The following ACSL3 variants were observed in gnomAD, a reference collection of about 807,000 sequenced individuals.
The protein encoded by ACSL3 is fatty acid CoA ligase Acsl3.
Under a neutral mutation model 84.7 loss-of-function variants are expected in ACSL3, and 34 were observed. The ratio of observed to expected loss-of-function variants is 0.40; its 90% CI spans 0.31 to 0.53. The LOEUF (loss-of-function observed/expected upper bound fraction) is 0.53, where lower values mean the gene tolerates loss of function less well. Among genes scored for constraint, ACSL3 ranks in the 20% least tolerant of loss-of-function variants. The pLI is 0.48. For missense variants in ACSL3, 680 were observed against 873.1 expected (o/e 0.78, Z 2.79); for synonymous variants, 315 against 299.4 (o/e 1.05, Z -0.54).
intron 1 of ACSL3, among the ~76,000 whole-genome samples, chr2:222,863,408 A>G (rs769875862): frequency 3.9e-5 from 6 of 152,208 alleles, no homozygotes; most frequent in Non-Finnish European, 8.8e-5. Flanking sequence ...TGCACAGTGT[A>G]TTTCATACTC....
At chr2:222,870,854 CT>C (rs147170552) in intron 1 of ACSL3, among the ~76,000 whole-genome samples, 14 of 152,082 alleles carry the variant, frequency 9.2e-5, no homozygotes, top group African/African-American at 2.9e-4. Flanking sequence ...TTTATTCCTT[CT>C]TTTTTTTCCC....
intron 4 of ACSL3, among the ~76,000 whole-genome samples, chr2:222,915,505 T>C (rs779929059): frequency 3.7e-4 from 55 of 149,608 alleles, no homozygotes; most frequent in Non-Finnish European, 7.7e-4. Context: ...TATATATTTT[T>C]GCAGAGAGAG....
At chr2:222,916,054 ACT>A (rs1183219925) in intron 4 of ACSL3, among the ~76,000 whole-genome samples, 1 of 152,128 alleles carries the variant, frequency 6.6e-6, no homozygotes, top group African/African-American at 2.4e-5. Flanking sequence ...AGCCTATCAA[ACT>A]CTCAATATTT....
chr2:222,882,943 A>AT lies in ACSL3; in HGVS notation c.-206-4882dup, dbSNP rs201730012. On this transcript the variant is annotated intron_variant, in intron 1 of 16. Coordinates refer to ENST00000357430, the MANE Select transcript of ACSL3 (RefSeq NM_004457.5). ...CCACCATGCCTGGCTAATTTTTGGTATTTTTAGTAGCAATGGGGTTTCGCT... is the reference window on the plus strand; with the variant it reads ...CCACCATGCCTGGCTAATTTTTGGTATTTTTTAGTAGCAATGGGGTTTCGCT... Among the ~76,000 whole-genome samples, 710 of 148,344 alleles carry AT rather than the reference A, an allele frequency of 4.8e-3. 9 individuals are homozygous for AT. The highest frequency in any genetic ancestry group is 0.017 in the African/African-American group (675 of 40,192).
chr2:222,920,867 C>CCTA (rs1372318773), intron 7 of ACSL3: 1 of 420,194 alleles, frequency 2.4e-6, no homozygotes, highest in Non-Finnish European at 4.9e-6. Flanking sequence ...TGAGCACATT[C>CCTA]CTACCTTTGG....
chr2:222,914,462 G>C lies in ACSL3; in HGVS notation c.379-1857G>C, dbSNP rs60540121. Among the ~76,000 whole-genome samples the C allele has an allele frequency of 1.1e-3, 164 of 152,140 alleles. 2 individuals carry two copies. Among genetic ancestry groups the C allele is most frequent in the African/African-American group, 3.9e-3 (161 of 41,494 alleles). The stretch of plus-strand genomic sequence containing the variant: ...ACTTTTTTAGACATGGGGTCTTGCT[G>C]TGTTGCCCAGGCTGGTCTCGAATTC... On this transcript the variant is annotated intron_variant, in intron 4 of 16. Coordinates refer to ENST00000357430, the MANE Select transcript of ACSL3 (RefSeq NM_004457.5).
At chr2:222,941,476 C>CTTTTTTTT (rs59252173) in intron 16 of ACSL3, 21 bp from the exon 17 acceptor site, 29 of 1,456,704 alleles carry the variant, frequency 2.0e-5, no homozygotes, top group East Asian at 7.2e-5. Context: ...TTCTTCTTTT[C>CTTTTTTTT]TTTTTTTTTA....
At chr2:222,932,607 A>G (rs7573347) in intron 14 of ACSL3, among the ~76,000 whole-genome samples, 126,396 of 151,792 alleles carry the variant, frequency 0.83, 52,880 homozygotes, top group East Asian at 0.97. Flanking sequence ...GGGATTACAG[A>G]CATGAGCCAC....
rs773439237 is a variant in ACSL3 at position 222,916,514 on chromosome 2, T to G, written c.556+18T>G. On this transcript the variant is annotated intron_variant, in intron 5 of 16. Coordinates refer to ENST00000357430, the MANE Select transcript of ACSL3 (RefSeq NM_004457.5). ...TTTTCAGCGTATGTAGACTTTCTTA[T>G]CTTCTGGAAGAATGAACTTAACTGA... is the stretch of plus-strand genomic sequence containing the variant. 2.8e-5 allele frequency: 43 copies of G among 1,532,954 alleles called. No individual in the cohort carries two copies. The highest frequency in any genetic ancestry group is 3.7e-5 in the Non-Finnish European group (42 of 1,135,104). The allele number at this position is 1,532,954 out of a possible 1,614,324, so 95.0% of individuals were successfully genotyped here.
Position 222,918,105 on chromosome 2 carries a change from G to T in ACSL3, c.616G>T (p.Glu206Ter). ...PAIVHALNET[E>*]VTNIITSKEL... ...CATTGTTCATGCATTAAATGAAACA[G>T]AGGTGACCAACATCATTACTAGTAA... The change falls in exon 6 of 17, where the codon GAG becomes TAG. Residue 206 changes from glutamate to a stop codon, truncating the protein, a stop_gained. Transcript: ENST00000357430. LOFTEE classifies it high-confidence loss of function. 1 of 1,612,700 alleles carries T rather than the reference G, an allele frequency of 6.2e-7. No individual in the cohort carries two copies.
At chr2:222,908,506 T>C (rs1696354885) in intron 3 of ACSL3, among the ~76,000 whole-genome samples, 1 of 152,220 alleles carries the variant, frequency 6.6e-6, no homozygotes, top group South Asian at 2.1e-4. Context: ...AAGGTTTTGG[T>C]TGGAACAGCC....
At position 222,930,638 on chromosome 2, in the gene ACSL3, G is replaced by C; in HGVS notation, c.1558G>C (p.Asp520His). Residue 520 changes from aspartate (D) to histidine (H), a missense_variant, in exon 14 of 17, where the codon GAT (aspartate) becomes CAT (histidine). Asp to His is a moderately conservative substitution (Grantham distance 81). Transcript: ENST00000357430. ...TTTATTAGGTGGATACTTTAATACT[G>C]ATAAGCCACACCCCAGGGGTGAAAT... is the stretch of plus-strand genomic sequence containing the variant. ...NWEEGGYFNTDKPHPRGEILI... is the reference protein window; with the variant it reads ...NWEEGGYFNTHKPHPRGEILI... The C allele has an allele frequency of 6.2e-7, 1 of 1,612,650 alleles. No individual in the cohort carries two copies. Among genetic ancestry groups the C allele is most frequent in the Non-Finnish European group, 8.5e-7 (1 of 1,179,302 alleles).
intron 1 of ACSL3, among the ~76,000 whole-genome samples, chr2:222,876,321 T>A (rs767759756): frequency 2.6e-4 from 39 of 151,996 alleles, no homozygotes; most frequent in Non-Finnish European, 5.3e-4. Flanking sequence ...GTTGTTGTTG[T>A]TTGTTTGTTT....
intron 11 of ACSL3, among the ~76,000 whole-genome samples, chr2:222,926,099 G>C (rs1287743832): frequency 6.6e-6 from 1 of 152,072 alleles, no homozygotes; most frequent in Non-Finnish European, 1.5e-5. Flanking sequence ...TGGATCAAAA[G>C]TATTCTGGGG....
Position 222,916,333 on chromosome 2 carries a change from G to T in ACSL3, c.393G>T (p.Gln131His). 2 of 1,612,258 alleles carry T rather than the reference G, an allele frequency of 1.2e-6. No homozygotes were observed. The highest frequency in any genetic ancestry group is 8.5e-7 in the Non-Finnish European group (1 of 1,179,110). ...TGTTTTATCAGGTTATTCTTGGACAGTATAATTGGCTTTCCTATGAAGATG... is the reference window on the plus strand; with the variant it reads ...TGTTTTATCAGGTTATTCTTGGACATTATAATTGGCTTTCCTATGAAGATG... ...GKIFKKVILG[Q>H]YNWLSYEDVF... The change falls in exon 5 of 17, where the codon CAG becomes CAT. Residue 131 changes from glutamine (Q) to histidine (H), a missense_variant. Coordinates refer to ENST00000357430, the MANE Select transcript of ACSL3 (RefSeq NM_004457.5).
intron 2 of ACSL3, among the ~76,000 whole-genome samples, chr2:222,899,782 T>C (rs1696089921): frequency 6.6e-6 from 1 of 152,202 alleles, no homozygotes; most frequent in African/African-American, 2.4e-5. Flanking sequence ...TCTTAATTAC[T>C]ATATTAAGAT....
At position 222,929,480 on chromosome 2, in the gene ACSL3, TAAGTA is replaced by T. The variant is rs145662651; in HGVS notation, c.1540+548_1540+552del. Among the ~76,000 whole-genome samples the T allele has an allele frequency of 2.4e-3, 371 of 152,146 alleles. 6 individuals carry two copies. The East Asian group carries it at 0.063, about 26-fold the overall frequency. ...ATTGGGATGCACCTTTCCTCTACAT[TAAGTA>T]AAGATAAAGATTCTGGCCGGGCGCA... On this transcript the variant is annotated intron_variant, in intron 13 of 16. Transcript: ENST00000357430.
intron 2 of ACSL3, among the ~76,000 whole-genome samples, chr2:222,895,288 C>T (rs990690874): frequency 1.3e-5 from 2 of 152,174 alleles, no homozygotes; most frequent in Non-Finnish European, 2.9e-5. Flanking sequence ...TCTGCAAGCT[C>T]CTATTCCTGC....
chr2:222,902,698 A>G (rs1243176254), intron 3 of ACSL3, among the ~76,000 whole-genome samples: 2 of 152,246 alleles, frequency 1.3e-5, no homozygotes, highest in African/African-American at 4.8e-5. Context: ...CTCAGCAAAG[A>G]GAGGGGTCCT....
Sources: gnomAD v4.1 joint callset for allele counts (sites outside exome capture counted in the v4.1 genomes callset) on GRCh38, gnomAD v4.1.1 for gene constraint, MANE v1.5 for transcripts, NCBI Gene and HGNC (gene_info 2026-07-23, HGNC 2026-07-21) for gene names.